Variants in LRP1B observed in about 807,000 individuals in gnomAD.
LRP1B encodes the protein low-density lipoprotein receptor-related protein 1B.
LRP1B carries 217 observed loss-of-function variants against 556.6 expected under a neutral mutation model. The ratio of observed to expected loss-of-function variants is 0.39; its 90% CI spans 0.35 to 0.44. The LOEUF (loss-of-function observed/expected upper bound fraction) is 0.44, where lower values mean the gene tolerates loss of function less well. LRP1B is among the 20% of genes least tolerant of loss of function. The probability of loss-of-function intolerance (pLI) is 1.00; values close to 1 mark genes in which losing one functional copy is unlikely to be tolerated. For missense variants in LRP1B, 5,053 were observed against 5,620.8 expected, an observed-to-expected ratio of 0.90 and a Z score of 3.23; for synonymous variants, 2,047 against 1,865.8, an observed-to-expected ratio of 1.10 and a Z score of -2.50.
rs1218049320 is a variant in LRP1B at position 140,290,051 on chromosome 2, C to T, written c.12967+7757G>A. Among the ~76,000 whole-genome samples, 4 of 151,996 alleles carry T rather than the reference C, an allele frequency of 2.6e-5. No homozygotes were observed. The East Asian group carries it at 7.7e-4, about 29-fold the overall frequency. ...ATCTTTCTACTTTGCTCACATGCAT[C>T]CAAACTCCTAAATTCCAGGCACTGA... On this transcript the variant is annotated intron_variant, in intron 84 of 90. Coordinates refer to ENST00000389484, the MANE Select transcript of LRP1B (RefSeq NM_018557.3).
At chr2:140,501,652 T>C in intron 55 of LRP1B, 35 bp downstream of exon 55, 1 of 1,465,100 alleles carries the variant, frequency 6.8e-7, no homozygotes. Flanking sequence ...AATTCTAATG[T>C]ATCGTATGAT....
intron 35 of LRP1B, among the ~76,000 whole-genome samples, chr2:140,748,383 TCATATATTATATTC>T (rs1435862184): frequency 4.9e-5 from 1 of 20,406 alleles, no homozygotes; most frequent in Non-Finnish European, 1.8e-4. Flanking sequence ...GTATATATAT[TCATATATTATATTC>T]ATATATTATA....
At chr2:142,081,517 G>A (rs1445758151) in intron 1 of LRP1B, among the ~76,000 whole-genome samples, 1 of 152,116 alleles carries the variant, frequency 6.6e-6, no homozygotes, top group Non-Finnish European at 1.5e-5. Flanking sequence ...TAGAAAAGAG[G>A]CGTGGATGAA....
chr2:140,597,862 TTG>T (rs1276743428), intron 43 of LRP1B, among the ~76,000 whole-genome samples: 2 of 152,112 alleles, frequency 1.3e-5, no homozygotes, highest in African/African-American at 4.8e-5. Flanking sequence ...AAGAAAAAAA[TTG>T]TGTTACATTC....
intron 1 of LRP1B, among the ~76,000 whole-genome samples, chr2:141,989,332 A>G (rs1354873664): frequency 6.6e-6 from 1 of 152,104 alleles, no homozygotes; most frequent in Non-Finnish European, 1.5e-5. Context: ...TGATGACTTT[A>G]AAAATTAGTC....
intron 17 of LRP1B, among the ~76,000 whole-genome samples, chr2:140,985,346 G>GT (rs1696888362): frequency 2.0e-5 from 3 of 150,290 alleles, no homozygotes; most frequent in South Asian, 4.3e-4. Context: ...ATACATTAGG[G>GT]TTTTTTAAAA....
chr2:140,366,837 C>T (rs568965392), intron 71 of LRP1B, among the ~76,000 whole-genome samples: 20 of 151,784 alleles, frequency 1.3e-4, no homozygotes, highest in African/African-American at 4.1e-4. Flanking sequence ...AGAAAGTGAG[C>T]CTTGTTGCTT....
chr2:141,005,164 C>A (rs551706804), intron 15 of LRP1B, among the ~76,000 whole-genome samples, 171 bp downstream of exon 15: 92 of 152,024 alleles, frequency 6.1e-4, no homozygotes, highest in Non-Finnish European at 6.5e-4. Flanking sequence ...CAATATTCAT[C>A]TATATATTCA....
At chr2:140,308,542 G>A (rs777394841) in intron 83 of LRP1B, among the ~76,000 whole-genome samples, 9 of 151,734 alleles carry the variant, frequency 5.9e-5, no homozygotes, top group East Asian at 1.9e-4. Context: ...GAACCATGAC[G>A]CTTACCCCCA....
chr2:142,028,446 G>T (rs1386957279), intron 1 of LRP1B, among the ~76,000 whole-genome samples: 2 of 152,016 alleles, frequency 1.3e-5, no homozygotes, highest in African/African-American at 4.8e-5. Flanking sequence ...GCAGCATTTT[G>T]ATTCTGGCTT....
At chr2:141,907,009 T>G (rs1348918523) in intron 1 of LRP1B, among the ~76,000 whole-genome samples, 2 of 151,924 alleles carry the variant, frequency 1.3e-5, no homozygotes, top group African/African-American at 2.4e-5. Flanking sequence ...TCAAAACAGA[T>G]TGTATTTATA....
intron 18 of LRP1B, among the ~76,000 whole-genome samples, chr2:140,959,777 G>A (rs1380940111): frequency 6.6e-6 from 1 of 151,594 alleles, no homozygotes; most frequent in African/African-American, 2.4e-5. Flanking sequence ...CAAGAGAAAA[G>A]GAGTAAGACA....
intron 35 of LRP1B, among the ~76,000 whole-genome samples, chr2:140,754,304 C>T (rs1688674179): frequency 6.6e-6 from 1 of 152,152 alleles, no homozygotes; most frequent in Admixed American, 6.6e-5. Context: ...AGAAGAGCCC[C>T]TCTGGAGTGA....
rs140158733 is a variant in LRP1B, at chr2:141,501,493, G to A, written c.206-20960C>T. Among the ~76,000 whole-genome samples the A allele has an allele frequency of 6.3e-4, 96 of 152,162 alleles. 2 individuals are homozygous for A. The East Asian group carries it at 0.017, about 27-fold the overall frequency. Reference sequence around the variant, plus strand: ...CAATCAAGAAGTTGTCACTGATTCTGGCTTATACTACAGTATAATTAAGTC... The same window carrying A: ...CAATCAAGAAGTTGTCACTGATTCTAGCTTATACTACAGTATAATTAAGTC... On this transcript the variant is annotated intron_variant, in intron 2 of 90. Coordinates refer to ENST00000389484, the MANE Select transcript of LRP1B (RefSeq NM_018557.3).
intron 2 of LRP1B, among the ~76,000 whole-genome samples, chr2:141,491,655 A>G (rs1422052780): frequency 2.6e-5 from 4 of 152,122 alleles, no homozygotes; most frequent in Admixed American, 2.6e-4. Flanking sequence ...CAACTCTCAG[A>G]GGAAAGGGGT....
intron 46 of LRP1B, 69 bp downstream of exon 46, chr2:140,536,512 A>G (rs1574053894): frequency 6.7e-7 from 1 of 1,503,404 alleles, no homozygotes; most frequent in East Asian, 2.3e-5. Context: ...CACCGAGACA[A>G]GCAAACCAAA....
At chr2:141,047,054 TTAATAATAA>T (rs70991134) in intron 11 of LRP1B, among the ~76,000 whole-genome samples, 2,114 of 70,634 alleles carry the variant, frequency 0.03, 53 homozygotes, top group African/African-American at 0.09. Flanking sequence ...TGCACAAAAA[TTAATAATAA>T]TAATAATAAT....
At chr2:140,685,826 C>G (rs1482254526) in intron 41 of LRP1B, among the ~76,000 whole-genome samples, 2 of 152,090 alleles carry the variant, frequency 1.3e-5, no homozygotes, top group African/African-American at 4.8e-5. Flanking sequence ...TGGATCCTGT[C>G]TAGAACCACT....
intron 4 of LRP1B, among the ~76,000 whole-genome samples, chr2:141,250,012 G>T (rs150089096): frequency 6.6e-6 from 1 of 152,202 alleles, no homozygotes; most frequent in Admixed American, 6.5e-5. Context: ...CTGGAGAAAG[G>T]GGGTGAGAAA....
Sources: gnomAD v4.1 joint callset for allele counts (sites outside exome capture counted in the v4.1 genomes callset) on GRCh38, gnomAD v4.1.1 for gene constraint, MANE v1.5 for transcripts, NCBI Gene and HGNC (gene_info 2026-07-23, HGNC 2026-07-21) for gene names.